PRDM7: variants seen among roughly 807,000 people sequenced by gnomAD.
The protein encoded by PRDM7 is histone-lysine N-methyltransferase PRDM7.
PRDM7 carries 52 observed loss-of-function variants against 64.3 expected under a neutral mutation model. That is an observed-to-expected ratio of 0.81 (90% CI 0.65 to 1.02). The LOEUF is 1.02. Ranked by LOEUF, PRDM7 falls within the 50% of genes least tolerant of loss-of-function variation. The pLI is 0.00. For missense variants in PRDM7, 574 were observed against 597.1 expected (o/e 0.96, Z 0.40); for synonymous variants, 192 against 210.1 (o/e 0.91, Z 0.74).
chr16:90,063,585 C>G (rs777175129), intron 6 of PRDM7, 27 bp downstream of exon 6: 14 of 1,610,196 alleles, frequency 8.7e-6, no homozygotes, highest in Non-Finnish European at 1.7e-6. Context: ...CATAGAGGGA[C>G]TAAATTCCCC....
At chr16:90,062,999 C>T (rs572674105) in intron 6 of PRDM7, among the ~76,000 whole-genome samples, 19 of 152,276 alleles carry the variant, frequency 1.2e-4, no homozygotes, top group Non-Finnish European at 1.3e-4. Flanking sequence ...TGATTTCAAA[C>T]AATACATGAG....
chr16:90,057,673 T>C lies in PRDM7; in HGVS notation c.*616A>G, dbSNP rs2037705061. On this transcript the variant is annotated 3_prime_UTR_variant, in exon 11 of 11. Transcript: ENST00000449207. ...TCTTCCTCAACTCTAGTCATGAAAG[T>C]GGCGGATTTGTTTAATTAGTTATTT... 8 of 1,138,096 alleles carry C rather than the reference T, an allele frequency of 7.0e-6. No individual in the cohort carries two copies. In the Admixed American group the frequency reaches 2.9e-4, roughly 41 times the overall value. The allele number at this position is 1,138,096 out of a possible 1,614,324, so 70.5% of individuals were successfully genotyped here.
At chr16:90,064,655 C>T (rs2037841973) in intron 5 of PRDM7, among the ~76,000 whole-genome samples, 2 of 143,228 alleles carry the variant, frequency 1.4e-5, no homozygotes, top group African/African-American at 5.7e-5. Context: ...CTCAAGTGAT[C>T]CACCCACCTC....
At position 90,066,650 on chromosome 16, in the gene PRDM7, A is replaced by G. The variant is rs183091320; in HGVS notation, c.351+211T>C. Among the ~76,000 whole-genome samples, 209 of 151,440 alleles carry G rather than the reference A, an allele frequency of 1.4e-3. 13 individuals are homozygous for G. The highest frequency in any genetic ancestry group is 5.0e-3 in the African/African-American group (202 of 40,792). ...TTTATTCATGTAAAATGCTTAAAAA[A>G]GTCTGAAAATACTGAGAAAATAACC... On this transcript the variant is annotated intron_variant, in intron 5 of 10. Transcript: ENST00000449207.
rs1488188609 is a variant in PRDM7, at chr16:90,058,222, C to T, written c.*67G>A. 1.7e-5 allele frequency: 27 copies of T among 1,614,088 alleles called. No individual in the cohort carries two copies. In the Admixed American group the frequency reaches 2.8e-4, roughly 17 times the overall value. ...CATCATTCTTTCTCCCACTCTAGAG[C>T]TCCCCATTTGTCCTTTGGGTGGGCT... On this transcript the variant is annotated 3_prime_UTR_variant, in exon 11 of 11. Transcript: ENST00000449207.
intron 4 of PRDM7, among the ~76,000 whole-genome samples, chr16:90,074,039 G>C (rs1385436870): frequency 2.6e-5 from 4 of 151,942 alleles, no homozygotes; most frequent in African/African-American, 4.8e-5. Context: ...GGTTGCCTCA[G>C]CCTCCCAAAG....
chr16:90,058,401 T>A lies in PRDM7; in HGVS notation c.1367A>T (p.Asn456Ile). 1 of 1,614,138 alleles carries A rather than the reference T, an allele frequency of 6.2e-7. No individual in the cohort carries two copies. Among genetic ancestry groups the A allele is most frequent in the Non-Finnish European group, 8.5e-7 (1 of 1,180,018 alleles). ...GATCCCCTGGGCAGGGATTCTCTGG[T>A]TGGAGAAGTTTTCTTGCAGATGGTC... ...SQDHLQENFS[N>I]QRIPAQGIRI... is the part of the protein sequence containing the mutation. The change falls in exon 11 of 11, where the codon AAC (asparagine) becomes ATC (isoleucine). Residue 456 changes from asparagine (N) to isoleucine (I), a missense_variant. Asn to Ile is a moderately radical substitution (Grantham distance 149). Coordinates refer to ENST00000449207, the MANE Select transcript of PRDM7 (RefSeq NM_001098173.2).
At chr16:90,073,621 G>A (rs1479496247) in intron 4 of PRDM7, among the ~76,000 whole-genome samples, 1 of 152,004 alleles carries the variant, frequency 6.6e-6, no homozygotes, top group Non-Finnish European at 1.5e-5. Flanking sequence ...GGATGGTCTT[G>A]ATCTCCTGAC....
At position 90,065,658 on chromosome 16, in the gene PRDM7, C is replaced by G. The variant is rs1185156289; in HGVS notation, c.351+1203G>C. Among the ~76,000 whole-genome samples the G allele has an allele frequency of 3.3e-5, 5 of 151,126 alleles. 1 individual carries two copies. The highest frequency in any genetic ancestry group is 1.2e-4 in the African/African-American group (5 of 40,578). ...GCTGAGGCAGGAGGATCACACTAACCTAGGAGATGGAGGCTGCAGTAAGCC... is the reference window on the plus strand; with the variant it reads ...GCTGAGGCAGGAGGATCACACTAACGTAGGAGATGGAGGCTGCAGTAAGCC... On this transcript the variant is annotated intron_variant, in intron 5 of 10. Transcript: ENST00000449207.
At position 90,058,468 on chromosome 16, in the gene PRDM7, C is replaced by A; in HGVS notation, c.1300G>T (p.Val434Phe). The A allele has an allele frequency of 6.2e-7, 1 of 1,614,106 alleles. No homozygotes were observed. Among genetic ancestry groups the A allele is most frequent in the African/African-American group, 1.3e-5 (1 of 75,020 alleles). The change falls in exon 11 of 11, where the codon GTC (valine) becomes TTC (phenylalanine). Residue 434 changes from valine to phenylalanine, a missense_variant. Transcript: ENST00000449207. ...GGAGTGATTGCGTTCCACATGTTGA[C>A]TGAGAAATTTTTGACTTGAAAAGGC... ...VWPFQVKNFS[V>F]NMWNAITPLR... is the part of the protein sequence containing the mutation.
At chr16:90,069,202 C>T (rs1260186742) in intron 4 of PRDM7, among the ~76,000 whole-genome samples, 1 of 151,194 alleles carries the variant, frequency 6.6e-6, no homozygotes, top group East Asian at 1.9e-4. Context: ...CAGAAATAAA[C>T]CCTCGTGTAT....
At chr16:90,059,970 A>G (rs1156264140) in intron 10 of PRDM7, among the ~76,000 whole-genome samples, 1 of 152,256 alleles carries the variant, frequency 6.6e-6, no homozygotes, top group Non-Finnish European at 1.5e-5. Context: ...GAGATAATGA[A>G]TGAATGAATA....
chr16:90,072,840 T>C (rs1490852581), intron 4 of PRDM7, among the ~76,000 whole-genome samples: 1 of 152,236 alleles, frequency 6.6e-6, no homozygotes, highest in East Asian at 1.9e-4. Flanking sequence ...AAAGAGACAT[T>C]CTTTTCATGT....
intron 4 of PRDM7, among the ~76,000 whole-genome samples, chr16:90,070,681 A>G (rs2037943955): frequency 6.9e-6 from 1 of 143,978 alleles, no homozygotes; most frequent in African/African-American, 2.8e-5. Context: ...ATGTAAATAC[A>G]CAGTGAGCTG....
In PRDM7 at chr16:90,075,036, A is replaced by C. The variant is rs2038016475; in HGVS notation, c.194-13T>G. 1 of 1,614,072 alleles carries C rather than the reference A, an allele frequency of 6.2e-7. No homozygotes were observed. Among genetic ancestry groups the C allele is most frequent in the Non-Finnish European group, 8.5e-7 (1 of 1,179,954 alleles). ...GTGGCTCTGAGACCTGAAAAGAAGCAAAAAATTTTGCTCTGAAACGGAAGA... is the reference window on the plus strand; with the variant it reads ...GTGGCTCTGAGACCTGAAAAGAAGCCAAAAATTTTGCTCTGAAACGGAAGA... On this transcript the variant is annotated splice_polypyrimidine_tract_variant and intron_variant, in intron 3 of 10. Transcript: ENST00000449207. This position sits in a 1 kb window ranked among gnomAD's most constrained non-coding sequence, Gnocchi z 4.3.
At chr16:90,061,544 G>T (rs1199334733) in intron 8 of PRDM7, 25 bp from the exon 9 acceptor site, 1 of 1,561,612 alleles carries the variant, frequency 6.4e-7, no homozygotes, top group Non-Finnish European at 8.8e-7. Context: ...ATAAGGTAAA[G>T]ACTTTTTAGA....
chr16:90,057,909 G>C lies in PRDM7; in HGVS notation c.*380C>G. 1 of 1,562,416 alleles carries C rather than the reference G, an allele frequency of 6.4e-7. No individual in the cohort carries two copies. The highest frequency in any genetic ancestry group is 1.1e-5 in the South Asian group (1 of 90,330). On this transcript the variant is annotated 3_prime_UTR_variant, in exon 11 of 11. Coordinates refer to ENST00000449207, the MANE Select transcript of PRDM7 (RefSeq NM_001098173.2). ...TGGTGAATGAGGAGGACTGACTTCC[G>C]GCTAAAGCCCCGCTCACACTCTCTG...
intron 5 of PRDM7, among the ~76,000 whole-genome samples, chr16:90,064,803 C>T (rs2037844685): frequency 6.7e-6 from 1 of 150,050 alleles, no homozygotes. Flanking sequence ...ACTGCAGCCT[C>T]CATCTCCCAG....
intron 10 of PRDM7, 150 bp downstream of exon 10, chr16:90,060,191 A>G: frequency 5.9e-6 from 7 of 1,180,492 alleles, no homozygotes; most frequent in Admixed American, 2.4e-5. Flanking sequence ...GCAAAGGCAT[A>G]TAACATGAAT....
Sources: gnomAD v4.1 joint callset for allele counts (sites outside exome capture counted in the v4.1 genomes callset) on GRCh38, gnomAD v4.1.1 for gene constraint, Gnocchi (gnomAD v3.1) non-coding constraint, MANE v1.5 for transcripts, NCBI Gene and HGNC (gene_info 2026-07-23, HGNC 2026-07-21) for gene names.